The following PCDHA9 variants were observed in gnomAD, a reference collection of about 807,000 sequenced individuals.
PCDHA9 encodes the protein protocadherin alpha-9.
In PCDHA9, 62 loss-of-function variants were observed where a neutral mutation model predicts 62.0. The ratio of observed to expected loss-of-function variants is 1.00; its 90% CI spans 0.81 to 1.23. The LOEUF is 1.23. Among genes scored for constraint, PCDHA9 ranks in the 50% most tolerant of loss-of-function variants. The probability of loss-of-function intolerance (pLI) is 0.00; values close to 1 mark genes in which losing one functional copy is unlikely to be tolerated. For missense variants in PCDHA9, 1,205 were observed against 1,249.8 expected (o/e 0.96, Z 0.54); for synonymous variants, 557 against 567.6 (o/e 0.98, Z 0.27).
At chr5:141,001,702 G>C (rs2098033163) in intron 3 of PCDHA9, among the ~76,000 whole-genome samples, 1 of 152,194 alleles carries the variant, frequency 6.6e-6, no homozygotes, top group Non-Finnish European at 1.5e-5. Flanking sequence ...GGCGAAATAG[G>C]GGGCGGGGAA....
At chr5:140,917,876 C>CT (rs575141569) in intron 1 of PCDHA9, among the ~76,000 whole-genome samples, 41 of 147,132 alleles carry the variant, frequency 2.8e-4, no homozygotes, top group Admixed American at 1.6e-3. Context: ...TATTTGGGCT[C>CT]TTTTTTTTTT....
Position 140,850,615 on chromosome 5 carries a change from T to C in PCDHA9, c.2120T>C (p.Val707Ala). The C allele has an allele frequency of 6.3e-7, 1 of 1,598,228 alleles. No individual in the cohort carries two copies. The highest frequency in any genetic ancestry group is 8.6e-7 in the Non-Finnish European group (1 of 1,167,768). The change falls in exon 1 of 4, where the codon GTG becomes GCG. Residue 707 changes from valine (V) to alanine (A), a missense_variant. Physicochemically the swap from Val to Ala is moderately conservative, Grantham distance 64. Around this residue, in one of 3 missense-constraint regions of PCDHA9, gnomAD observed 887 missense variants for 809.5 expected, o/e 1.10. Transcript: ENST00000532602. ...NVYLIIAICA[V>A]SSLLVLTLLL... Reference sequence around the variant, plus strand: ...TACCTGATCATCGCCATCTGCGCGGTGTCTAGCCTGTTGGTTCTCACGCTG... The same window carrying C: ...TACCTGATCATCGCCATCTGCGCGGCGTCTAGCCTGTTGGTTCTCACGCTG...
chr5:140,961,805 G>A (rs1554225601), intron 1 of PCDHA9, among the ~76,000 whole-genome samples: 1 of 151,810 alleles, frequency 6.6e-6, no homozygotes, highest in African/African-American at 2.4e-5. Context: ...AGGAAATTGG[G>A]TTCTCTAGTC....
intron 1 of PCDHA9, chr5:140,883,536 T>C (rs1178559999): frequency 8.7e-6 from 14 of 1,614,202 alleles, no homozygotes; most frequent in Non-Finnish European, 1.2e-5. Flanking sequence ...GCCTATGAAC[T>C]GGTGGTGACC....
At position 140,993,767 on chromosome 5, in the gene PCDHA9, G is replaced by C. The variant is rs115607244; in HGVS notation, c.2542+11204G>C. ...ATACTTGCCATTATATTACAATTGC[G>C]CAGTATTTTGTACAGTAACATGCTG... On this transcript the variant is annotated intron_variant, in intron 3 of 3. Transcript: ENST00000532602. Among the ~76,000 whole-genome samples, 826 of 152,124 alleles carry C rather than the reference G, an allele frequency of 5.4e-3. 11 individuals are homozygous for C. Among genetic ancestry groups the C allele is most frequent in the African/African-American group, 0.018 (749 of 41,482 alleles).
chr5:140,875,351 G>C, intron 1 of PCDHA9: 1 of 1,445,562 alleles, frequency 6.9e-7, no homozygotes, highest in Non-Finnish European at 9.1e-7. Context: ...CATAATGACT[G>C]TGATGCTGGA....
At chr5:140,895,273 A>T (rs2064941325) in intron 1 of PCDHA9, among the ~76,000 whole-genome samples, 2 of 151,970 alleles carry the variant, frequency 1.3e-5, no homozygotes, top group South Asian at 4.1e-4. Context: ...TTACTCAGGG[A>T]TAATTGAATT....
At chr5:140,870,634 G>A (rs782716769) in intron 1 of PCDHA9, 49 of 1,612,744 alleles carry the variant, frequency 3.0e-5, no homozygotes, top group Non-Finnish European at 3.9e-5. Context: ...GTCGGTGCAC[G>A]CGGAGAGCGG....
intron 1 of PCDHA9, chr5:140,881,383 G>C: frequency 1.0e-6 from 1 of 984,330 alleles, no homozygotes; most frequent in Non-Finnish European, 1.2e-6. Flanking sequence ...AGCCGGCGGC[G>C]GTAAGTTAAA....
At chr5:140,951,276 T>C (rs1554219829) in intron 1 of PCDHA9, among the ~76,000 whole-genome samples, 1 of 152,200 alleles carries the variant, frequency 6.6e-6, no homozygotes, top group African/African-American at 2.4e-5. Context: ...CTATGTTAGG[T>C]AATTTTGGAT....
chr5:140,930,841 A>T (rs2087150671), intron 1 of PCDHA9, among the ~76,000 whole-genome samples: 1 of 152,230 alleles, frequency 6.6e-6, no homozygotes, highest in South Asian at 2.1e-4. Context: ...ATGAATAAAT[A>T]TGTGCATATA....
intron 3 of PCDHA9, among the ~76,000 whole-genome samples, chr5:141,004,729 T>A (rs782339918): frequency 6.6e-6 from 1 of 152,144 alleles, no homozygotes; most frequent in African/African-American, 2.4e-5. Context: ...TTAAATACAT[T>A]TCTCTCTTTT....
At position 140,884,470 on chromosome 5, in the gene PCDHA9, G is replaced by A. The variant is rs1453696477; in HGVS notation, c.2394+33581G>A. The A allele has an allele frequency of 2.5e-6, 4 of 1,613,644 alleles. No homozygotes were observed. Among genetic ancestry groups the A allele is most frequent in the South Asian group, 2.2e-5 (2 of 91,036 alleles). On this transcript the variant is annotated intron_variant, in intron 1 of 3. Coordinates refer to ENST00000532602, the MANE Select transcript of PCDHA9 (RefSeq NM_031857.2). The stretch of plus-strand genomic sequence containing the variant: ...CGCCCACCGAGGGCGCGTGCGCGCC[G>A]GGCAAGCCCACTCTAGTGTGCTCCA...
chr5:140,936,944 T>A (rs900789474), intron 1 of PCDHA9, among the ~76,000 whole-genome samples: 3 of 152,226 alleles, frequency 2.0e-5, no homozygotes, highest in African/African-American at 7.2e-5. Flanking sequence ...AATATCTTAT[T>A]TTGATCTTTA....
intron 3 of PCDHA9, among the ~76,000 whole-genome samples, chr5:141,002,176 G>C (rs1554258553): frequency 6.6e-6 from 1 of 152,242 alleles, no homozygotes; most frequent in Non-Finnish European, 1.5e-5. Context: ...GCAGGCTCCA[G>C]AGTGCTGTCT....
intron 1 of PCDHA9, among the ~76,000 whole-genome samples, chr5:140,955,446 A>G (rs574900327): frequency 6.6e-6 from 1 of 152,194 alleles, no homozygotes; most frequent in Non-Finnish European, 1.5e-5. Context: ...TGATGGTTTT[A>G]TAAGGGCTTT....
At chr5:140,857,099 G>T in intron 1 of PCDHA9, 1 of 1,597,354 alleles carries the variant, frequency 6.3e-7, no homozygotes, top group Non-Finnish European at 8.6e-7. Context: ...TGAGGTGATT[G>T]TCACTTCTCT....
intron 1 of PCDHA9, chr5:140,869,254 G>C (rs2050982255): frequency 6.2e-7 from 1 of 1,613,494 alleles, no homozygotes; most frequent in African/African-American, 1.3e-5. Flanking sequence ...CATCGCGCAG[G>C]ACCTGGGGCT....
chr5:140,906,192 C>G (rs2072444836), intron 1 of PCDHA9, among the ~76,000 whole-genome samples: 1 of 152,182 alleles, frequency 6.6e-6, no homozygotes, highest in Non-Finnish European at 1.5e-5. Context: ...TCAATCCAAT[C>G]AAGTTGACAC....
Sources: gnomAD v4.1 joint callset for allele counts (sites outside exome capture counted in the v4.1 genomes callset) on GRCh38, gnomAD v4.1.1 for gene constraint, gnomAD v4.1.1 regional missense constraint, MANE v1.5 for transcripts, NCBI Gene and HGNC (gene_info 2026-07-23, HGNC 2026-07-21) for gene names.